ANKRD6: variants seen among roughly 807,000 people sequenced by gnomAD.
The protein encoded by ANKRD6 is ankyrin repeat domain 6, also known as ankyrin repeat domain-containing protein 6.
A neutral mutation model predicts 82.3 loss-of-function variants in ANKRD6; 56 were observed. That is an observed-to-expected ratio of 0.68 (90% confidence interval 0.55 to 0.85). The LOEUF is 0.85. Among genes scored for constraint, ANKRD6 ranks in the 40% least tolerant of loss-of-function variants. The pLI, the probability that ANKRD6 is intolerant of heterozygous loss-of-function variation, is 0.00. For missense variants in ANKRD6, 852 were observed against 907.6 expected, an observed-to-expected ratio of 0.94 and a Z score of 0.79; for synonymous variants, 347 against 352.1, an observed-to-expected ratio of 0.99 and a Z score of 0.16.
At chr6:89,450,243 A>G (rs1256228346) in intron 1 of ANKRD6, among the ~76,000 whole-genome samples, 3 of 152,054 alleles carry the variant, frequency 2.0e-5, no homozygotes, top group Non-Finnish European at 4.4e-5. Context: ...AGGCTGAGGC[A>G]GGAGAATCAC....
intron 1 of ANKRD6, among the ~76,000 whole-genome samples, chr6:89,514,542 T>C (rs963363141): frequency 6.6e-6 from 1 of 152,156 alleles, no homozygotes; most frequent in Non-Finnish European, 1.5e-5. Context: ...TAAATGGAAT[T>C]AAAATGTTGG....
At chr6:89,468,485 T>G (rs185520963) in intron 1 of ANKRD6, among the ~76,000 whole-genome samples, 1 of 152,150 alleles carries the variant, frequency 6.6e-6, no homozygotes, top group East Asian at 1.9e-4. Flanking sequence ...TTTTCTATTT[T>G]TAAGTGTCTG....
chr6:89,570,843 G>T (rs992694072), intron 2 of ANKRD6, among the ~76,000 whole-genome samples: 13 of 152,158 alleles, frequency 8.5e-5, no homozygotes, highest in Admixed American at 7.9e-4. Flanking sequence ...GAATATTGCT[G>T]TATGAACATG....
rs570167442 is a variant in ANKRD6, at chr6:89,617,997, C to T, written c.758C>T (p.Pro253Leu). 5.1e-5 allele frequency: 82 copies of T among 1,614,020 alleles called. 1 individual carries two copies. Among genetic ancestry groups the T allele is most frequent in the East Asian group, 3.6e-4 (16 of 44,880 alleles). ...PLETARYHNN[P>L]EVALLLTKAP... is the part of the protein sequence containing the mutation. ...GAGACTGCCCGCTACCACAATAACC[C>T]GGAAGTTGCTCTTCTCCTTACTAAA... Residue 253 changes from proline to leucine, a missense_variant, in exon 9 of 16, where the codon CCG (proline) becomes CTG (leucine). Coordinates refer to ENST00000339746, the MANE Select transcript of ANKRD6 (RefSeq NM_001242809.2).
chr6:89,622,643 G>A (rs1445540424), intron 10 of ANKRD6, among the ~76,000 whole-genome samples: 3 of 152,176 alleles, frequency 2.0e-5, no homozygotes, highest in Non-Finnish European at 2.9e-5. Flanking sequence ...CACAGGGCAC[G>A]CATGGTGAGC....
intron 1 of ANKRD6, among the ~76,000 whole-genome samples, chr6:89,440,068 T>A (rs1484489613): frequency 6.6e-6 from 1 of 152,156 alleles, no homozygotes; most frequent in Non-Finnish European, 1.5e-5. Context: ...GAAAAAATAA[T>A]TTTTCCTCTA....
At chr6:89,453,133 T>G (rs961332629) in intron 1 of ANKRD6, among the ~76,000 whole-genome samples, 10 of 152,220 alleles carry the variant, frequency 6.6e-5, no homozygotes, top group African/African-American at 2.2e-4. Flanking sequence ...CATTCCCTTC[T>G]TCCAAAAGTA....
chr6:89,626,756 C>A (rs1359507617), intron 13 of ANKRD6, among the ~76,000 whole-genome samples: 2 of 152,094 alleles, frequency 1.3e-5, no homozygotes, highest in Non-Finnish European at 2.9e-5. Flanking sequence ...GTGTAGGGGT[C>A]CCACAGGAAA....
chr6:89,627,339 C>T (rs965220139), intron 13 of ANKRD6, among the ~76,000 whole-genome samples: 1 of 152,192 alleles, frequency 6.6e-6, no homozygotes, highest in Non-Finnish European at 1.5e-5. Flanking sequence ...ATTCATAGTC[C>T]TTATACCTCT....
chr6:89,605,634 G>A (rs1798348301), intron 4 of ANKRD6, among the ~76,000 whole-genome samples: 1 of 152,178 alleles, frequency 6.6e-6, no homozygotes, highest in Non-Finnish European at 1.5e-5. Flanking sequence ...TGGTGGAGGT[G>A]GGAAGAAATA....
chr6:89,546,806 A>C (rs1785152480), intron 1 of ANKRD6, among the ~76,000 whole-genome samples: 1 of 152,074 alleles, frequency 6.6e-6, no homozygotes, highest in African/African-American at 2.4e-5. Context: ...AAAGAAAAGA[A>C]GGAAAAAATG....
chr6:89,571,721 CG>C (rs1789953979), intron 2 of ANKRD6, among the ~76,000 whole-genome samples: 1 of 152,126 alleles, frequency 6.6e-6, no homozygotes, highest in African/African-American at 2.4e-5. Flanking sequence ...TATCAACATC[CG>C]CCACCAGAGT....
chr6:89,505,618 C>T lies in ANKRD6; in HGVS notation c.-143-61216C>T, dbSNP rs185057753. ...TGCCTCCTGGCACTCAAGAGAGTGGCCCTAGAGTGTGGTTACAGAAAACCC... is the reference window on the plus strand; with the variant it reads ...TGCCTCCTGGCACTCAAGAGAGTGGTCCTAGAGTGTGGTTACAGAAAACCC... On this transcript the variant is annotated intron_variant, in intron 1 of 15. Transcript: ENST00000339746. 4.6e-4 allele frequency among the ~76,000 whole-genome samples: 70 copies of T among 152,308 alleles called. No individual in the cohort carries two copies. The Middle Eastern group carries it at 0.017, about 37-fold the overall frequency.
At chr6:89,503,686 A>C (rs867592184) in intron 1 of ANKRD6, among the ~76,000 whole-genome samples, 1 of 152,228 alleles carries the variant, frequency 6.6e-6, no homozygotes, top group Admixed American at 6.5e-5. Context: ...AATACATTAT[A>C]TAGATGGCAA....
rs533564312 is a variant in ANKRD6 at position 89,475,597 on chromosome 6, G to A, written c.-144+42222G>A. 2.0e-5 allele frequency among the ~76,000 whole-genome samples: 3 copies of A among 152,284 alleles called. No individual in the cohort carries two copies. In the East Asian group the frequency reaches 5.8e-4, roughly 29 times the overall value. ...ACTGCATAGGTTTTTAAATTTAGTA[G>A]TTATTCTAGATCTCTCTCCATAGCT... is the stretch of plus-strand genomic sequence containing the variant. On this transcript the variant is annotated intron_variant, in intron 1 of 15. Transcript: ENST00000339746.
rs141821838 is a variant in ANKRD6, at chr6:89,483,815, G to A, written c.-144+50440G>A. On this transcript the variant is annotated intron_variant, in intron 1 of 15. Coordinates refer to ENST00000339746, the MANE Select transcript of ANKRD6 (RefSeq NM_001242809.2). ...TTACAAGAACAAGATTAGCTACAAG[G>A]TTCAAAGGACTTTTTGAATTTTACC... 9.2e-5 allele frequency among the ~76,000 whole-genome samples: 14 copies of A among 152,280 alleles called. No individual in the cohort carries two copies. The East Asian group carries it at 2.3e-3, about 25-fold the overall frequency.
chr6:89,570,750 T>A (rs1004424570), intron 2 of ANKRD6, among the ~76,000 whole-genome samples: 3 of 152,254 alleles, frequency 2.0e-5, no homozygotes, highest in African/African-American at 7.2e-5. Context: ...TGAATAATAA[T>A]CCATTTTATG....
At chr6:89,486,647 A>G (rs906465234) in intron 1 of ANKRD6, among the ~76,000 whole-genome samples, 2 of 151,936 alleles carry the variant, frequency 1.3e-5, no homozygotes, top group African/African-American at 4.8e-5. Flanking sequence ...TTAATTTTTA[A>G]TTTTTTTGTA....
Position 89,630,899 on chromosome 6 carries a change from A to G in ANKRD6, c.2079A>G (p.Gln693=). 1 of 1,613,254 alleles carries G rather than the reference A, an allele frequency of 6.2e-7. No individual in the cohort carries two copies. The highest frequency in any genetic ancestry group is 8.5e-7 in the Non-Finnish European group (1 of 1,179,618). ...YERKIEEARS[Q]ANQKAQQDKA... is the part of the protein sequence containing the mutation. Reference sequence around the variant, plus strand: ...GGAAGATTGAAGAAGCACGAAGCCAAGCCAATCAGAAAGCCCAGCAAGATA... The same window carrying G: ...GGAAGATTGAAGAAGCACGAAGCCAGGCCAATCAGAAAGCCCAGCAAGATA... Residue 693 remains glutamine, a synonymous_variant, in exon 16 of 16, where the codon CAA becomes CAG. Coordinates refer to ENST00000339746, the MANE Select transcript of ANKRD6 (RefSeq NM_001242809.2).
Sources: allele counts gnomAD v4.1 joint callset (sites outside exome capture counted in the v4.1 genomes callset), GRCh38; gene constraint gnomAD v4.1.1; transcripts MANE v1.5; gene names NCBI Gene and HGNC (gene_info 2026-07-23, HGNC 2026-07-21).